The following CHD2 variants were observed in gnomAD, a reference collection of about 807,000 sequenced individuals.
CHD2 encodes the protein ATP-dependent chromatin remodeler CHD2.
A neutral mutation model predicts 243.9 loss-of-function variants in CHD2; 28 were observed. That is an observed-to-expected ratio of 0.11 (90% confidence interval 0.09 to 0.16). The LOEUF (loss-of-function observed/expected upper bound fraction) is 0.16, where lower values mean the gene tolerates loss of function less well. Among genes scored for constraint, CHD2 ranks in the 10% least tolerant of loss-of-function variants. The pLI, the probability that CHD2 is intolerant of heterozygous loss-of-function variation, is 1.00. For missense variants in CHD2, 1,386 were observed against 2,209.8 expected, an observed-to-expected ratio of 0.63 and a Z score of 7.47; for synonymous variants, 775 against 779.0, an observed-to-expected ratio of 0.99 and a Z score of 0.09.
At chr15:92,973,019 C>T (rs1235049091) in intron 19 of CHD2, among the ~76,000 whole-genome samples, 3 of 152,218 alleles carry the variant, frequency 2.0e-5, no homozygotes, top group East Asian at 1.9e-4. Flanking sequence ...TGTCAGATGG[C>T]ATCTTATTGC....
At chr15:92,931,863 CTT>C (rs34215273) in intron 5 of CHD2, among the ~76,000 whole-genome samples, 10 of 134,426 alleles carry the variant, frequency 7.4e-5, no homozygotes, top group Admixed American at 1.5e-4. Flanking sequence ...TGCTGACGTA[CTT>C]TTTTTTTTTT....
At chr15:92,978,139 C>T (rs1268259169) in intron 20 of CHD2, 95 bp from the exon 21 acceptor site, 2 of 1,441,640 alleles carry the variant, frequency 1.4e-6, no homozygotes, top group African/African-American at 1.4e-5. Flanking sequence ...CTTTTCTTCA[C>T]ACCTGCAGGG....
At chr15:92,993,572 A>ATAT (rs373721353) in intron 28 of CHD2, among the ~76,000 whole-genome samples, 33,608 of 152,048 alleles carry the variant, frequency 0.22, 4,291 homozygotes, top group East Asian at 0.57. Flanking sequence ...CTTTAAAAGC[A>ATAT]AGAGGTATAG....
intron 24 of CHD2, among the ~76,000 whole-genome samples, chr15:92,982,581 G>A (rs2053993317): frequency 6.6e-6 from 1 of 152,186 alleles, no homozygotes; most frequent in African/African-American, 2.4e-5. Flanking sequence ...TTGGAAGGAA[G>A]GATTGACCAT....
At chr15:92,993,991 TA>T (rs982485385) in intron 28 of CHD2, among the ~76,000 whole-genome samples, 10 of 152,244 alleles carry the variant, frequency 6.6e-5, no homozygotes, top group African/African-American at 2.2e-4. Context: ...ATAAATTAAT[TA>T]AAAAATAAAG....
intron 22 of CHD2, 121 bp downstream of exon 22, chr15:92,979,404 G>C (rs2053948826): frequency 2.5e-6 from 3 of 1,210,886 alleles, no homozygotes; most frequent in Admixed American, 2.6e-5. Flanking sequence ...TGCCAGGCCA[G>C]AACCACAAAT....
At chr15:92,903,954 T>G (rs1457620591) in intron 2 of CHD2, among the ~76,000 whole-genome samples, 1 of 152,250 alleles carries the variant, frequency 6.6e-6, no homozygotes, top group African/African-American at 2.4e-5. Flanking sequence ...ATGCAGTTAC[T>G]TGTGTACTAG....
intron 16 of CHD2, among the ~76,000 whole-genome samples, chr15:92,965,530 C>T (rs2053747130): frequency 6.9e-6 from 1 of 144,370 alleles, no homozygotes; most frequent in Non-Finnish European, 1.5e-5. Context: ...CACCACTGCA[C>T]TCCAGCCTGG....
Position 93,014,780 on chromosome 15 carries a change from T to C in CHD2, c.4777T>C (p.Ser1593Pro). ...ASGSSRDSLI[S>P]QSHTSHNLHP... is the part of the protein sequence containing the mutation. The stretch of plus-strand genomic sequence containing the variant: ...AGGCTCCAGCCGGGACTCTCTGATA[T>C]CTCAGTCCCATACCTCACACAACCT... Residue 1593 changes from serine (S) to proline (P), a missense_variant, in exon 37 of 39, where the codon TCT (serine) becomes CCT (proline). Transcript: ENST00000394196. The C allele has an allele frequency of 6.2e-7, 1 of 1,614,146 alleles. No individual in the cohort carries two copies. The highest frequency in any genetic ancestry group is 8.5e-7 in the Non-Finnish European group (1 of 1,180,028).
At position 92,972,378 on chromosome 15, in the gene CHD2, C is replaced by G; in HGVS notation, c.2466C>G (p.Ile822Met). Residue 822 changes from isoleucine (I) to methionine (M), a missense_variant, in exon 19 of 39, where the codon ATC (isoleucine) becomes ATG (methionine). Transcript: ENST00000394196. Reference protein sequence around the residue: ...IFSQMVRMLDILAEYLTIKHY... With the variant: ...IFSQMVRMLDMLAEYLTIKHY... Reference sequence around the variant, plus strand: ...CTCAGATGGTGAGAATGTTGGATATCCTGGCTGAATACCTAACTATTAAAC... The same window carrying G: ...CTCAGATGGTGAGAATGTTGGATATGCTGGCTGAATACCTAACTATTAAAC... 1 of 1,611,414 alleles carries G rather than the reference C, an allele frequency of 6.2e-7. No homozygotes were observed. The highest frequency in any genetic ancestry group is 8.5e-7 in the Non-Finnish European group (1 of 1,179,240).
intron 34 of CHD2, among the ~76,000 whole-genome samples, chr15:93,007,833 C>T (rs1397084949): frequency 6.6e-6 from 1 of 152,226 alleles, no homozygotes; most frequent in African/African-American, 2.4e-5. Flanking sequence ...GAGATTGCTT[C>T]AACTTTGTTT....
At chr15:92,985,291 G>A (rs767316593) in intron 25 of CHD2, among the ~76,000 whole-genome samples, 1 of 152,080 alleles carries the variant, frequency 6.6e-6, no homozygotes, top group Non-Finnish European at 1.5e-5. Flanking sequence ...TTCACTTATC[G>A]TTATATTACA....
At chr15:92,955,618 G>T in intron 15 of CHD2, 106 bp downstream of exon 15, 1 of 664,616 alleles carries the variant, frequency 1.5e-6, no homozygotes, top group Non-Finnish European at 2.4e-6. Flanking sequence ...ATACTTGAAA[G>T]TTAAAAATAA....
intron 24 of CHD2, among the ~76,000 whole-genome samples, chr15:92,983,553 C>T (rs939904629): frequency 1.3e-5 from 2 of 152,106 alleles, no homozygotes; most frequent in African/African-American, 2.4e-5. Context: ...AAGAAGAATG[C>T]GGAGCCAGGC....
chr15:93,018,427 A>G (rs908005663), intron 37 of CHD2, among the ~76,000 whole-genome samples: 1 of 152,240 alleles, frequency 6.6e-6, no homozygotes. Flanking sequence ...TAAAATGAGT[A>G]GAGACACTTA....
chr15:92,925,935 CATT>C (rs1185123593), intron 3 of CHD2, among the ~76,000 whole-genome samples: 18 of 152,046 alleles, frequency 1.2e-4, no homozygotes, highest in Admixed American at 1.2e-3. Flanking sequence ...TTGTTAAAGT[CATT>C]GTTGATAATG....
At chr15:92,952,937 C>T (rs2053573020) in intron 13 of CHD2, among the ~76,000 whole-genome samples, 2 of 152,208 alleles carry the variant, frequency 1.3e-5, no homozygotes, top group African/African-American at 4.8e-5. Context: ...AACCCAGTGG[C>T]CTGCAGTGGA....
rs368258352 is a variant in CHD2, at chr15:92,997,702, A to G, written c.3885+299A>G. The G allele has an allele frequency of 3.3e-5, 7 of 215,292 alleles. No homozygotes were observed. In the East Asian group the frequency reaches 3.3e-4, roughly 10 times the overall value. The allele number at this position is 215,292 out of a possible 1,614,324, so 13.3% of individuals were successfully genotyped here. On this transcript the variant is annotated intron_variant, in intron 30 of 38. Transcript: ENST00000394196. This position sits in a 1 kb window ranked among gnomAD's most constrained non-coding sequence, Gnocchi z 4.1. The stretch of plus-strand genomic sequence containing the variant: ...ACCCAGGTGAGTTTGTTAATGATAA[A>G]AGCATTCCTTGGCCTTAGTTATTGG...
In CHD2 at chr15:93,009,162, G is replaced by A; in HGVS notation, c.4431G>A (p.Arg1477=). ...ETFSICKERM[R]PVKKALKQLD... ...TGTTGCAGTGTAAGGAGAGGATGAG[G>A]CCCGTGAAAAAGGCACTGAAACAGC... Residue 1477 remains arginine (R), a synonymous_variant, in exon 35 of 39, where the codon AGG becomes AGA. Coordinates refer to ENST00000394196, the MANE Select transcript of CHD2 (RefSeq NM_001271.4). The A allele has an allele frequency of 1.2e-6, 2 of 1,614,104 alleles. No individual in the cohort carries two copies. Among genetic ancestry groups the A allele is most frequent in the Non-Finnish European group, 1.7e-6 (2 of 1,179,996 alleles).
Sources: gnomAD v4.1 joint callset for allele counts (sites outside exome capture counted in the v4.1 genomes callset) on GRCh38, gnomAD v4.1.1 for gene constraint, Gnocchi (gnomAD v3.1) non-coding constraint, MANE v1.5 for transcripts, NCBI Gene and HGNC (gene_info 2026-07-23, HGNC 2026-07-21) for gene names.